Variants in OR10R2 observed in about 807,000 individuals in gnomAD.
OR10R2 encodes olfactory receptor family 10 subfamily R member 2.
In OR10R2, 1 loss-of-function variant was observed where a neutral mutation model predicts 2.4. That is an observed-to-expected ratio of 0.41 (90% CI 0.15 to 1.95). The LOEUF (loss-of-function observed/expected upper bound fraction) is 1.95, where lower values mean the gene tolerates loss of function less well. Ranked by LOEUF, OR10R2 falls within the 30% of genes most tolerant of loss-of-function variation. The pLI is 0.30. For synonymous variants in OR10R2, 166 were observed against 144.8 expected (o/e 1.15, Z -1.05); for missense variants, 419 against 373.0 (o/e 1.12, Z -1.01).
chr1:158,479,840 T>G, intron 1 of OR10R2, 98 bp from the exon 2 acceptor site: 1 of 1,296,360 alleles, frequency 7.7e-7, no homozygotes, highest in Non-Finnish European at 1.1e-6. Flanking sequence ...AAAGGCAAGA[T>G]TCTTCTTTGT....
chr1:158,476,428 G>T (rs953630869), intron 1 of OR10R2, among the ~76,000 whole-genome samples: 6 of 150,966 alleles, frequency 4.0e-5, no homozygotes, highest in Admixed American at 1.3e-4. Context: ...GGTGCCTGTA[G>T]TCCCAGCTAC....
At chr1:158,478,144 C>CAAA (rs1656306663) in intron 1 of OR10R2, among the ~76,000 whole-genome samples, 1 of 152,114 alleles carries the variant, frequency 6.6e-6, no homozygotes, top group Non-Finnish European at 1.5e-5. Flanking sequence ...TCACCATATA[C>CAAA]AAAAATTAAC....
intron 1 of OR10R2, among the ~76,000 whole-genome samples, chr1:158,478,209 G>A (rs951568907): frequency 9.2e-5 from 14 of 152,250 alleles, no homozygotes; most frequent in Admixed American, 2.6e-4. Flanking sequence ...AATCCTAGAC[G>A]AAAACCTGGG....
At chr1:158,472,406 G>A (rs1300326233) in intron 1 of OR10R2, 54 bp downstream of exon 1, 2 of 398,974 alleles carry the variant, frequency 5.0e-6, no homozygotes, top group Non-Finnish European at 8.8e-6. Flanking sequence ...AGGAAGATGT[G>A]TAATATATTG....
At chr1:158,475,181 A>G (rs1013111373) in intron 1 of OR10R2, among the ~76,000 whole-genome samples, 3 of 152,162 alleles carry the variant, frequency 2.0e-5, no homozygotes, top group Admixed American at 1.3e-4. Context: ...CTGTCATTCA[A>G]TACACAATAA....
intron 1 of OR10R2, among the ~76,000 whole-genome samples, chr1:158,478,827 T>C (rs898218932): frequency 6.6e-6 from 1 of 152,204 alleles, no homozygotes; most frequent in Non-Finnish European, 1.5e-5. Flanking sequence ...TTTGCTCATT[T>C]TTCTTGAATG....
At chr1:158,480,353 A>G in exon 2 of OR10R2, 1 of 1,614,120 alleles carries the variant, frequency 6.2e-7, no homozygotes, top group South Asian at 1.1e-5. Flanking sequence ...ATGAGCTGGC[A>G]GGTGTGTGGA....
intron 1 of OR10R2, among the ~76,000 whole-genome samples, chr1:158,476,547 CAAAAAA>C (rs11291030): frequency 9.1e-6 from 1 of 110,040 alleles, no homozygotes; most frequent in Non-Finnish European, 1.9e-5. Context: ...GACTCCATCT[CAAAAAA>C]AAAAAAAAAA....
exon 2 of OR10R2, chr1:158,480,761 C>G: frequency 6.2e-7 from 1 of 1,613,268 alleles, no homozygotes; most frequent in Non-Finnish European, 8.5e-7. Flanking sequence ...AGGCTGGTGA[C>G]GGTGACATAC....
At chr1:158,475,137 C>T (rs939997903) in intron 1 of OR10R2, among the ~76,000 whole-genome samples, 9 of 152,192 alleles carry the variant, frequency 5.9e-5, no homozygotes, top group Middle Eastern at 6.8e-3. Context: ...AGAACTGGTA[C>T]CCAAAGCCAA....
chr1:158,473,738 C>T (rs930269323), intron 1 of OR10R2, among the ~76,000 whole-genome samples: 3 of 146,512 alleles, frequency 2.0e-5, no homozygotes, highest in African/African-American at 7.6e-5. Flanking sequence ...TCTTTCCTTC[C>T]CTTTCCCTCC....
chr1:158,472,993 A>G (rs1350316629), intron 1 of OR10R2, among the ~76,000 whole-genome samples: 1 of 152,188 alleles, frequency 6.6e-6, no homozygotes, highest in Non-Finnish European at 1.5e-5. Context: ...AAGATTCAGG[A>G]GGATTAATTT....
At chr1:158,477,165 A>T (rs1379943277) in intron 1 of OR10R2, among the ~76,000 whole-genome samples, 1 of 152,204 alleles carries the variant, frequency 6.6e-6, no homozygotes, top group African/African-American at 2.4e-5. Flanking sequence ...CCCTCAACAG[A>T]CTAGGCTTTA....
In OR10R2 at chr1:158,479,934, G is replaced by A; in HGVS notation, c.28-4G>A. 1.9e-6 allele frequency: 3 copies of A among 1,613,918 alleles called. No homozygotes were observed. The highest frequency in any genetic ancestry group is 2.2e-5 in the South Asian group (2 of 91,050). On this transcript the variant is annotated splice_polypyrimidine_tract_variant and splice_region_variant and intron_variant, in intron 1 of 1. Transcript: ENST00000641067. ...ATATGTTTTACTTCTTTCCCCCTTTGCAGATCTTGGCAGAAAACCTCACCA... is the reference window on the plus strand; with the variant it reads ...ATATGTTTTACTTCTTTCCCCCTTTACAGATCTTGGCAGAAAACCTCACCA...
intron 1 of OR10R2, among the ~76,000 whole-genome samples, chr1:158,477,802 T>C (rs761124890): frequency 1.3e-5 from 2 of 152,034 alleles, no homozygotes; most frequent in Non-Finnish European, 2.9e-5. Flanking sequence ...GCAAAACTAT[T>C]ATAAAATTCA....
At chr1:158,474,287 T>C (rs1194434713) in intron 1 of OR10R2, among the ~76,000 whole-genome samples, 1 of 152,076 alleles carries the variant, frequency 6.6e-6, no homozygotes. Flanking sequence ...CAAATCACTC[T>C]GGAAAATAAT....
At chr1:158,473,253 A>G (rs1656197275) in intron 1 of OR10R2, among the ~76,000 whole-genome samples, 1 of 152,210 alleles carries the variant, frequency 6.6e-6, no homozygotes, top group Admixed American at 6.5e-5. Flanking sequence ...AGATGTATAT[A>G]AATGTTTGGT....
chr1:158,475,398 A>T (rs1461086579), intron 1 of OR10R2, among the ~76,000 whole-genome samples: 1 of 152,132 alleles, frequency 6.6e-6, no homozygotes, highest in African/African-American at 2.4e-5. Flanking sequence ...TCTTATTAGT[A>T]AATTTTTTGT....
At chr1:158,477,050 A>G (rs1432367170) in intron 1 of OR10R2, among the ~76,000 whole-genome samples, 1 of 152,042 alleles carries the variant, frequency 6.6e-6, no homozygotes, top group African/African-American at 2.4e-5. Context: ...TTGAAAATCA[A>G]TAAATGTAAT....
Sources: gnomAD v4.1 joint callset for allele counts (sites outside exome capture counted in the v4.1 genomes callset) on GRCh38, gnomAD v4.1.1 for gene constraint, MANE v1.5 for transcripts, NCBI Gene and HGNC (gene_info 2026-07-23, HGNC 2026-07-21) for gene names.